Variants in IMMP2L observed in about 807,000 individuals in gnomAD.
IMMP2L encodes inner mitochondrial membrane peptidase subunit 2.
In IMMP2L, 18 loss-of-function variants were observed where a neutral mutation model predicts 19.3. The ratio of observed to expected loss-of-function variants is 0.93; its 90% CI spans 0.64 to 1.38. IMMP2L has a LOEUF of 1.38. Ranked by LOEUF, IMMP2L falls within the 40% of genes most tolerant of loss-of-function variation. The pLI, the probability that IMMP2L is intolerant of heterozygous loss-of-function variation, is 0.00. For synonymous variants in IMMP2L, 76 were observed against 73.0 expected, an observed-to-expected ratio of 1.04 and a Z score of -0.21; for missense variants, 233 against 218.2, an observed-to-expected ratio of 1.07 and a Z score of -0.43.
chr7:111,387,988 A>AAAAAAAAAAAAAAAC (rs1563131624), intron 3 of IMMP2L, among the ~76,000 whole-genome samples: 1 of 150,578 alleles, frequency 6.6e-6, no homozygotes, highest in African/African-American at 2.5e-5. Context: ...AAAAAAAAAA[A>AAAAAAAAAAAAAAAC]AAAAAAAAAA....
chr7:111,217,118 TCTCTCTCTCACACACACACA>T (rs1269157437), intron 3 of IMMP2L, among the ~76,000 whole-genome samples: 3 of 144,370 alleles, frequency 2.1e-5, no homozygotes, highest in African/African-American at 8.4e-5. Context: ...TCTCTCTCTC[TCTCTCTCTCACACACACACA>T]CACACACACA....
intron 3 of IMMP2L, among the ~76,000 whole-genome samples, chr7:111,082,626 G>C (rs1795977599): frequency 6.6e-6 from 1 of 152,052 alleles, no homozygotes; most frequent in African/African-American, 2.4e-5. Context: ...AGACAGCCAG[G>C]CTTCTCCCAG....
chr7:111,292,710 C>T (rs1348901268), intron 3 of IMMP2L, among the ~76,000 whole-genome samples: 1 of 151,966 alleles, frequency 6.6e-6, no homozygotes, highest in Non-Finnish European at 1.5e-5. Flanking sequence ...CTGCCATTTA[C>T]TAGTTTCAGG....
intron 5 of IMMP2L, among the ~76,000 whole-genome samples, chr7:110,818,417 C>A (rs1201808473): frequency 6.6e-6 from 1 of 151,190 alleles, no homozygotes; most frequent in Admixed American, 6.6e-5. Context: ...CAATGAGATA[C>A]CATCTCACAT....
At chr7:110,904,336 T>G (rs1455462125) in intron 4 of IMMP2L, among the ~76,000 whole-genome samples, 1 of 152,180 alleles carries the variant, frequency 6.6e-6, no homozygotes. Flanking sequence ...AAGACCAATG[T>G]CATGAAGTTT....
At chr7:111,154,851 AG>A (rs945948199) in intron 3 of IMMP2L, among the ~76,000 whole-genome samples, 7 of 152,072 alleles carry the variant, frequency 4.6e-5, no homozygotes, top group African/African-American at 1.7e-4. Context: ...TTGACTTCCC[AG>A]GTTGAAGTGA....
In IMMP2L at chr7:111,116,090, C is replaced by G. The variant is rs974129993; in HGVS notation, c.240-152525G>C. ...TCTCTCAAATCTGCCCAAAGCATAT[C>G]TTGAGACTCAGGAGAGAGAATTGTG... On this transcript the variant is annotated intron_variant, in intron 3 of 5. Transcript: ENST00000405709. Among the ~76,000 whole-genome samples, 7 of 152,164 alleles carry G rather than the reference C, an allele frequency of 4.6e-5. No individual in the cohort carries two copies. The East Asian group carries it at 1.3e-3, about 29-fold the overall frequency.
intron 5 of IMMP2L, among the ~76,000 whole-genome samples, chr7:110,670,444 C>T (rs1042025320): frequency 6.6e-6 from 1 of 152,138 alleles, no homozygotes; most frequent in African/African-American, 2.4e-5. Flanking sequence ...AATCCCAGCA[C>T]TTTGGGAGGC....
Position 110,721,558 on chromosome 7 carries a change from CA to C in IMMP2L, c.409-57838del, listed in dbSNP as rs543842554. ...AGCAAACAAACAAACAAACAAAAAA[CA>C]AAAAAACACACAAACAAAAAAACAC... On this transcript the variant is annotated intron_variant, in intron 5 of 5. Transcript: ENST00000405709. Among the ~76,000 whole-genome samples the C allele has an allele frequency of 5.1e-3, 778 of 151,748 alleles. 4 individuals carry two copies. Among genetic ancestry groups the C allele is most frequent in the Non-Finnish European group, 8.9e-3 (604 of 67,836 alleles).
chr7:111,193,695 G>A (rs1176669802), intron 3 of IMMP2L, among the ~76,000 whole-genome samples: 2 of 151,936 alleles, frequency 1.3e-5, no homozygotes, highest in Non-Finnish European at 2.9e-5. Flanking sequence ...CATTTAAGTG[G>A]GAAAAACTAA....
At chr7:111,545,190 T>C (rs1162856955) in intron 1 of IMMP2L, among the ~76,000 whole-genome samples, 2 of 152,126 alleles carry the variant, frequency 1.3e-5, no homozygotes, top group African/African-American at 2.4e-5. Context: ...GCTCTGCCCA[T>C]AGATGCTTCC....
chr7:110,826,397 T>C (rs138128130), intron 5 of IMMP2L, among the ~76,000 whole-genome samples: 182 of 152,290 alleles, frequency 1.2e-3, no homozygotes, highest in African/African-American at 4.0e-3. Flanking sequence ...CATATGTTTG[T>C]TGTGGCACTA....
chr7:110,839,268 TTAG>T (rs1804810171), intron 5 of IMMP2L, among the ~76,000 whole-genome samples: 1 of 152,076 alleles, frequency 6.6e-6, no homozygotes, highest in Non-Finnish European at 1.5e-5. Flanking sequence ...TGAATGAACA[TTAG>T]TAGAAACATC....
chr7:111,482,322 C>T (rs1408982305), intron 3 of IMMP2L, among the ~76,000 whole-genome samples: 1 of 152,138 alleles, frequency 6.6e-6, no homozygotes, highest in Non-Finnish European at 1.5e-5. Flanking sequence ...AAACAGCATA[C>T]TCAAAGCACT....
intron 3 of IMMP2L, among the ~76,000 whole-genome samples, chr7:111,415,986 A>C (rs1834926532): frequency 6.6e-6 from 1 of 151,860 alleles, no homozygotes; most frequent in South Asian, 2.1e-4. Flanking sequence ...AATTTTCCTT[A>C]ATTGTACACT....
At chr7:111,175,433 A>T (rs1806936274) in intron 3 of IMMP2L, among the ~76,000 whole-genome samples, 1 of 151,916 alleles carries the variant, frequency 6.6e-6, no homozygotes, top group African/African-American at 2.4e-5. Flanking sequence ...ATATAAATAC[A>T]GTCCATTGTA....
At chr7:111,366,913 G>A (rs1187101371) in intron 3 of IMMP2L, among the ~76,000 whole-genome samples, 1 of 151,906 alleles carries the variant, frequency 6.6e-6, no homozygotes, top group Non-Finnish European at 1.5e-5. Context: ...ATACTAGCAT[G>A]TTAACACTTG....
At chr7:110,746,362 A>G (rs1272983182) in intron 5 of IMMP2L, among the ~76,000 whole-genome samples, 2 of 152,148 alleles carry the variant, frequency 1.3e-5, no homozygotes, top group African/African-American at 4.8e-5. Flanking sequence ...CAGAAAATTA[A>G]CAAGGATATT....
chr7:111,034,828 T>C (rs1791177363), intron 3 of IMMP2L, among the ~76,000 whole-genome samples: 1 of 152,126 alleles, frequency 6.6e-6, no homozygotes, highest in Non-Finnish European at 1.5e-5. Flanking sequence ...AACAGGCTAA[T>C]GACCATAACA....
Sources: gnomAD v4.1 joint callset for allele counts (sites outside exome capture counted in the v4.1 genomes callset) on GRCh38, gnomAD v4.1.1 for gene constraint, MANE v1.5 for transcripts, NCBI Gene and HGNC (gene_info 2026-07-23, HGNC 2026-07-21) for gene names.